Variants in GNG7 observed in about 807,000 individuals in gnomAD.
The protein encoded by GNG7 is G protein subunit gamma 7.
A neutral mutation model predicts 4.0 loss-of-function variants in GNG7; 1 was observed. The ratio of observed to expected loss-of-function variants is 0.25; its 90% confidence interval spans 0.09 to 1.18. The LOEUF is 1.18. Ranked by LOEUF, GNG7 falls within the 50% of genes most tolerant of loss-of-function variation. The probability of loss-of-function intolerance (pLI) is 0.50; values close to 1 mark genes in which losing one functional copy is unlikely to be tolerated. For synonymous variants in GNG7, 34 were observed against 36.9 expected, an observed-to-expected ratio of 0.92 and a Z score of 0.29; for missense variants, 86 against 91.9, an observed-to-expected ratio of 0.94 and a Z score of 0.26.
intron 3 of GNG7, among the ~76,000 whole-genome samples, chr19:2,522,390 T>G (rs36029592): frequency 0.32 from 48,642 of 151,732 alleles, 7,775 homozygotes; most frequent in South Asian, 0.39. Flanking sequence ...TCATAACTCA[T>G]GGCATCGCTG....
intron 3 of GNG7, among the ~76,000 whole-genome samples, chr19:2,535,762 G>A (rs995770196): frequency 1.3e-5 from 2 of 152,080 alleles, no homozygotes; most frequent in Non-Finnish European, 2.9e-5. Flanking sequence ...CGGTACACTC[G>A]GAAAGTCATA....
intron 2 of GNG7, among the ~76,000 whole-genome samples, chr19:2,578,894 G>GC (rs1156949403): frequency 2.0e-5 from 3 of 152,162 alleles, no homozygotes; most frequent in Non-Finnish European, 4.4e-5. Flanking sequence ...CTGGCTCCCG[G>GC]CCCCCCAGGG....
intron 2 of GNG7, among the ~76,000 whole-genome samples, chr19:2,563,835 C>T (rs984505914): frequency 6.6e-6 from 1 of 152,134 alleles, no homozygotes; most frequent in Non-Finnish European, 1.5e-5. Context: ...GAATTTTTAG[C>T]CTAATTGTGA....
At chr19:2,695,686 C>T (rs1288239446) in intron 1 of GNG7, among the ~76,000 whole-genome samples, 1 of 151,892 alleles carries the variant, frequency 6.6e-6, no homozygotes, top group Non-Finnish European at 1.5e-5. Context: ...GGGGTGCCAT[C>T]ATGTGGGTGC....
intron 1 of GNG7, among the ~76,000 whole-genome samples, chr19:2,692,213 T>C (rs1220065088): frequency 6.6e-6 from 1 of 151,808 alleles, no homozygotes; most frequent in Non-Finnish European, 1.5e-5. Flanking sequence ...TCCGACCACA[T>C]TGAAGCCACA....
At chr19:2,551,978 C>G (rs901124871) in intron 3 of GNG7, among the ~76,000 whole-genome samples, 2 of 152,168 alleles carry the variant, frequency 1.3e-5, no homozygotes, top group Admixed American at 6.5e-5. Context: ...AGCCACGGCG[C>G]CTGACTGCTT....
chr19:2,520,399 G>A (rs895107265), intron 4 of GNG7, among the ~76,000 whole-genome samples: 8 of 152,200 alleles, frequency 5.3e-5, no homozygotes, highest in African/African-American at 1.9e-4. Flanking sequence ...TTACATTGCT[G>A]CACGAAGGCA....
chr19:2,698,392 C>T (rs1330597882), intron 1 of GNG7, among the ~76,000 whole-genome samples: 1 of 151,862 alleles, frequency 6.6e-6, no homozygotes, highest in African/African-American at 2.4e-5. Flanking sequence ...GGTGAAACCC[C>T]GTCTCTACTA....
At chr19:2,615,710 G>A (rs1055493913) in intron 2 of GNG7, among the ~76,000 whole-genome samples, 5 of 151,996 alleles carry the variant, frequency 3.3e-5, no homozygotes, top group African/African-American at 7.3e-5. Context: ...TGATCTGCCC[G>A]CCTCGGCCTC....
intron 2 of GNG7, among the ~76,000 whole-genome samples, chr19:2,580,218 A>C (rs184122863): frequency 1.4e-5 from 2 of 147,630 alleles, no homozygotes; most frequent in East Asian, 2.0e-4. Flanking sequence ...TGGCCTGCTC[A>C]CCCCTTCATG....
chr19:2,669,987 G>A (rs1983409441), intron 1 of GNG7, among the ~76,000 whole-genome samples: 1 of 149,716 alleles, frequency 6.7e-6, no homozygotes, highest in Admixed American at 6.7e-5. Flanking sequence ...TCCAGACTGG[G>A]TGACAGAGCG....
chr19:2,660,508 C>T (rs933505479), intron 1 of GNG7, among the ~76,000 whole-genome samples: 27 of 152,254 alleles, frequency 1.8e-4, no homozygotes, highest in African/African-American at 4.3e-4. Flanking sequence ...TGGTGGCTCA[C>T]GCCTGTGATC....
chr19:2,544,636 C>G (rs990244476), intron 3 of GNG7, among the ~76,000 whole-genome samples: 1 of 152,180 alleles, frequency 6.6e-6, no homozygotes, highest in Non-Finnish European at 1.5e-5. Flanking sequence ...GGTGATCTGC[C>G]CACCTTGGCC....
At chr19:2,526,629 T>A in intron 3 of GNG7, among the ~76,000 whole-genome samples, 1 of 49,964 alleles carries the variant, frequency 2.0e-5, no homozygotes, top group African/African-American at 1.2e-4. Flanking sequence ...GTATTTAGTA[T>A]GTATTATACA....
chr19:2,606,033 G>C (rs1164249937), intron 2 of GNG7, among the ~76,000 whole-genome samples: 1 of 152,144 alleles, frequency 6.6e-6, no homozygotes, highest in Non-Finnish European at 1.5e-5. Context: ...ATGCTCACAG[G>C]AAATGCCTCC....
chr19:2,701,249 G>C (rs1913394291), intron 1 of GNG7: 1 of 151,858 alleles, frequency 6.6e-6, no homozygotes, highest in Non-Finnish European at 1.5e-5. Flanking sequence ...AAAAGTAGAG[G>C]GGTGAGTCCT....
intron 3 of GNG7, among the ~76,000 whole-genome samples, chr19:2,553,428 AAT>A (rs35389970): frequency 0.053 from 7,787 of 146,244 alleles, 691 homozygotes; most frequent in African/African-American, 0.18. Flanking sequence ...TTTTATATGC[AAT>A]ATATATGTTA....
At chr19:2,542,644 C>T (rs1979000503) in intron 3 of GNG7, among the ~76,000 whole-genome samples, 1 of 152,154 alleles carries the variant, frequency 6.6e-6, no homozygotes, top group South Asian at 2.1e-4. Flanking sequence ...GAACTGTAAG[C>T]TCAGGCAGGC....
chr19:2,683,015 G>A (rs570876963), intron 1 of GNG7, among the ~76,000 whole-genome samples: 31 of 151,996 alleles, frequency 2.0e-4, no homozygotes, highest in African/African-American at 7.2e-4. Context: ...GGCAGATCAC[G>A]AGGTCAGGAG....
Sources: gnomAD v4.1 joint callset for allele counts (sites outside exome capture counted in the v4.1 genomes callset) on GRCh38, gnomAD v4.1.1 for gene constraint, MANE v1.5 for transcripts, NCBI Gene and HGNC (gene_info 2026-07-23, HGNC 2026-07-21) for gene names.